The following CADM1 variants were observed in gnomAD, a reference collection of about 807,000 sequenced individuals.
The protein encoded by CADM1 is cell adhesion molecule 1.
Under a neutral mutation model 53.1 loss-of-function variants are expected in CADM1, and 15 were observed. That is an observed-to-expected ratio of 0.28 (90% CI 0.19 to 0.44). The LOEUF (loss-of-function observed/expected upper bound fraction) is 0.44. Ranked by LOEUF, CADM1 falls within the 20% of genes least tolerant of loss-of-function variation. The pLI, the probability that CADM1 is intolerant of heterozygous loss-of-function variation, is 1.00. For missense variants in CADM1, 434 were observed against 611.3 expected, an observed-to-expected ratio of 0.71 and a Z score of 3.06; for synonymous variants, 281 against 243.0, an observed-to-expected ratio of 1.16 and a Z score of -1.45.
At chr11:115,217,470 T>C (rs1017965629) in intron 6 of CADM1, among the ~76,000 whole-genome samples, 2 of 152,200 alleles carry the variant, frequency 1.3e-5, no homozygotes, top group Non-Finnish European at 2.9e-5. Flanking sequence ...GCAAATTCAT[T>C]TGCCTACAGC....
At chr11:115,189,948 T>C (rs1294657998) in intron 10 of CADM1, among the ~76,000 whole-genome samples, 1 of 152,232 alleles carries the variant, frequency 6.6e-6, no homozygotes, top group Admixed American at 6.5e-5. Flanking sequence ...CGAGTAGTAC[T>C]ATCTTATTCT....
intron 1 of CADM1, among the ~76,000 whole-genome samples, chr11:115,302,884 G>C (rs928198312): frequency 2.0e-5 from 3 of 152,060 alleles, no homozygotes; most frequent in Non-Finnish European, 2.9e-5. Context: ...GAGCAATGTT[G>C]CCATCTCTGT....
intron 6 of CADM1, 119 bp downstream of exon 6, chr11:115,217,773 A>G: frequency 1.3e-6 from 1 of 751,854 alleles, no homozygotes; most frequent in Non-Finnish European, 2.5e-6. Flanking sequence ...GTTCCTGAAA[A>G]ACCATCCATC....
At chr11:115,405,667 G>A (rs1033520441) in intron 1 of CADM1, among the ~76,000 whole-genome samples, 3 of 152,156 alleles carry the variant, frequency 2.0e-5, no homozygotes, top group African/African-American at 7.2e-5. Flanking sequence ...AGAGCCACAG[G>A]CATCAAGATG....
intron 1 of CADM1, among the ~76,000 whole-genome samples, chr11:115,491,865 C>T (rs775809063): frequency 2.0e-5 from 3 of 152,174 alleles, no homozygotes; most frequent in Non-Finnish European, 4.4e-5. Flanking sequence ...GAAAACCAAA[C>T]ACTGCATGTT....
At chr11:115,180,061 A>C (rs1939234923) in intron 10 of CADM1, among the ~76,000 whole-genome samples, 1 of 152,180 alleles carries the variant, frequency 6.6e-6, no homozygotes, top group South Asian at 2.1e-4. Flanking sequence ...ATAATATTTG[A>C]AGTTTATCGA....
At chr11:115,394,890 T>G (rs539684414) in intron 1 of CADM1, among the ~76,000 whole-genome samples, 82 of 152,306 alleles carry the variant, frequency 5.4e-4, no homozygotes, top group African/African-American at 1.9e-3. Flanking sequence ...ATAATTAATG[T>G]TCATCCATTA....
intron 1 of CADM1, among the ~76,000 whole-genome samples, chr11:115,259,270 G>A (rs962019212): frequency 8.0e-5 from 11 of 137,512 alleles, no homozygotes; most frequent in South Asian, 2.3e-4. Context: ...ACAGGCGTGC[G>A]CCACCGCACC....
At chr11:115,439,464 C>A (rs933455363) in intron 1 of CADM1, among the ~76,000 whole-genome samples, 1 of 152,154 alleles carries the variant, frequency 6.6e-6, no homozygotes, top group African/African-American at 2.4e-5. Context: ...CTTGTTGGCC[C>A]ATGAATCACC....
intron 5 of CADM1, among the ~76,000 whole-genome samples, chr11:115,219,245 T>C (rs1424618710): frequency 6.6e-6 from 1 of 152,184 alleles, no homozygotes; most frequent in African/African-American, 2.4e-5. Context: ...AAGATAGAAA[T>C]ATTACGGCAA....
intron 6 of CADM1, 73 bp downstream of exon 6, chr11:115,217,819 G>A (rs368096725): frequency 1.1e-6 from 1 of 923,838 alleles, no homozygotes; most frequent in Non-Finnish European, 1.8e-6. Context: ...GCCAAGGACT[G>A]GTGAATGCAC....
At position 115,172,085 on chromosome 11, in the gene CADM1, G is replaced by C. The variant is rs1277854876; in HGVS notation, c.*4389C>G. On this transcript the variant is annotated 3_prime_UTR_variant, in exon 12 of 12. Coordinates refer to ENST00000331581, the MANE Select transcript of CADM1 (RefSeq NM_001301043.2). ...TCCTAACAACCTTCGAGGCTATGGTGATGTCCACCTTGCAGAGCAAGAGAC... is the reference window on the plus strand; with the variant it reads ...TCCTAACAACCTTCGAGGCTATGGTCATGTCCACCTTGCAGAGCAAGAGAC... 1.3e-5 allele frequency: 2 copies of C among 152,300 alleles called. No individual in the cohort carries two copies. The highest frequency in any genetic ancestry group is 2.9e-5 in the Non-Finnish European group (2 of 68,094). The allele number at this position is 152,300 out of a possible 1,614,324, so 9.4% of individuals were successfully genotyped here.
intron 1 of CADM1, among the ~76,000 whole-genome samples, chr11:115,288,722 C>A (rs764137898): frequency 6.6e-6 from 1 of 152,204 alleles, no homozygotes; most frequent in Non-Finnish European, 1.5e-5. Context: ...CACTGTTTGA[C>A]CCTTGTTTCC....
At chr11:115,235,005 G>T (rs1291206048) in intron 3 of CADM1, among the ~76,000 whole-genome samples, 1 of 149,262 alleles carries the variant, frequency 6.7e-6, no homozygotes, top group Non-Finnish European at 1.5e-5. Context: ...TTTTTTCCAA[G>T]CCCATAAATA....
At chr11:115,468,544 T>G (rs1273555166) in intron 1 of CADM1, among the ~76,000 whole-genome samples, 2 of 151,952 alleles carry the variant, frequency 1.3e-5, no homozygotes, top group Non-Finnish European at 2.9e-5. Context: ...CTTACAGGGG[T>G]GTGTCTGTGT....
rs553635796 is a variant in CADM1, at chr11:115,350,065, G to A, written c.125-109645C>T. The stretch of plus-strand genomic sequence containing the variant: ...TGGCTCACTGCAACCTCCGCCTCTT[G>A]GGTTTAAGCGATTCTCCTGCTTCAG... On this transcript the variant is annotated intron_variant, in intron 1 of 11. Transcript: ENST00000331581. Among the ~76,000 whole-genome samples, 5 of 152,232 alleles carry A rather than the reference G, an allele frequency of 3.3e-5. No homozygotes were observed. In the East Asian group the frequency reaches 7.7e-4, roughly 24 times the overall value.
At chr11:115,236,050 C>T (rs1942000054) in intron 3 of CADM1, among the ~76,000 whole-genome samples, 1 of 152,112 alleles carries the variant, frequency 6.6e-6, no homozygotes. Flanking sequence ...ATAGCATAGA[C>T]AACATTAACA....
At chr11:115,344,771 T>C (rs1945534561) in intron 1 of CADM1, among the ~76,000 whole-genome samples, 1 of 152,172 alleles carries the variant, frequency 6.6e-6, no homozygotes, top group African/African-American at 2.4e-5. Context: ...ATACAAGTCT[T>C]TGATACTCAG....
At chr11:115,181,093 C>G (rs1268805556) in intron 10 of CADM1, among the ~76,000 whole-genome samples, 1 of 146,848 alleles carries the variant, frequency 6.8e-6, no homozygotes, top group Non-Finnish European at 1.5e-5. Context: ...GGGGAAGACA[C>G]TATCTTGTCC....
Sources: gnomAD v4.1 joint callset for allele counts (sites outside exome capture counted in the v4.1 genomes callset) on GRCh38, gnomAD v4.1.1 for gene constraint, MANE v1.5 for transcripts, NCBI Gene and HGNC (gene_info 2026-07-23, HGNC 2026-07-21) for gene names.